Variants in CLASP1 observed in about 807,000 individuals in gnomAD.
CLASP1 encodes CLIP-associating protein 1.
CLASP1 carries 38 observed loss-of-function variants against 192.3 expected under a neutral mutation model. The ratio of observed to expected loss-of-function variants is 0.20; its 90% confidence interval spans 0.15 to 0.26. The LOEUF (loss-of-function observed/expected upper bound fraction) is 0.26, where lower values mean the gene tolerates loss of function less well. Ranked by LOEUF, CLASP1 falls within the 10% of genes least tolerant of loss-of-function variation. The pLI is 1.00. For missense variants in CLASP1, 1,433 were observed against 1,932.5 expected (o/e 0.74, Z 4.85); for synonymous variants, 691 against 712.8 (o/e 0.97, Z 0.49).
At chr2:121,449,172 T>G in intron 16 of CLASP1, 52 bp from the exon 17 acceptor site, 1 of 1,537,508 alleles carries the variant, frequency 6.5e-7, no homozygotes. Flanking sequence ...AAACAGGTCT[T>G]TTGCTGAACT....
intron 6 of CLASP1, among the ~76,000 whole-genome samples, chr2:121,519,885 C>A (rs887946144): frequency 6.6e-5 from 10 of 152,174 alleles, no homozygotes; most frequent in Admixed American, 5.2e-4. Context: ...CAGGACAATG[C>A]AGCTATTCAC....
intron 24 of CLASP1, among the ~76,000 whole-genome samples, chr2:121,409,225 G>A (rs1255668570): frequency 6.6e-6 from 1 of 152,112 alleles, no homozygotes; most frequent in African/African-American, 2.4e-5. Context: ...CTTTCAAAAT[G>A]GCATTTCCTA....
chr2:121,506,160 G>C (rs2093942760), intron 7 of CLASP1, among the ~76,000 whole-genome samples: 1 of 152,178 alleles, frequency 6.6e-6, no homozygotes, highest in South Asian at 2.1e-4. Flanking sequence ...AAGAAGCAAA[G>C]AAAACATTGG....
At chr2:121,358,698 A>G (rs1425438642) in intron 37 of CLASP1, among the ~76,000 whole-genome samples, 1 of 152,232 alleles carries the variant, frequency 6.6e-6, no homozygotes, top group East Asian at 1.9e-4. Context: ...TAATTCTTTA[A>G]AGTCATAAAA....
chr2:121,340,522 T>G (rs1200668693), exon 40 of CLASP1: 1 of 215,910 alleles, frequency 4.6e-6, no homozygotes, highest in Non-Finnish European at 9.2e-6. Flanking sequence ...AATGCTACTT[T>G]CTACCAAGTA....
Position 121,491,821 on chromosome 2 carries a change from T to C in CLASP1, c.712+11346A>G, listed in dbSNP as rs1487265907. 8.5e-5 allele frequency among the ~76,000 whole-genome samples: 13 copies of C among 152,244 alleles called. 1 individual carries two copies. The highest frequency in any genetic ancestry group is 1.5e-5 in the Non-Finnish European group (1 of 68,038). On this transcript the variant is annotated intron_variant, in intron 8 of 39. Transcript: ENST00000263710. ...TGCTACTTGGCTGCTTTTTCATTCC[T>C]GTTTTAGTCACAATTCGATTACGCT...
rs191307659 is a variant in CLASP1, at chr2:121,492,244, C to T, written c.712+10923G>A. ...CTCTACTAAAAATACAAAAAATTAG[C>T]CGGGCGTGGTGGCGGGCACCTGTAG... On this transcript the variant is annotated intron_variant, in intron 8 of 39. Coordinates refer to ENST00000263710, the Ensembl canonical transcript of CLASP1. Among the ~76,000 whole-genome samples, 307 of 151,700 alleles carry T rather than the reference C, an allele frequency of 2.0e-3. 1 individual carries two copies. The highest frequency in any genetic ancestry group is 7.0e-3 in the African/African-American group (288 of 41,368).
At chr2:121,362,626 A>G (rs2066637832) in intron 37 of CLASP1, among the ~76,000 whole-genome samples, 1 of 152,200 alleles carries the variant, frequency 6.6e-6, no homozygotes, top group South Asian at 2.1e-4. Flanking sequence ...CCTGCTACCC[A>G]CTGTTGGCAG....
intron 5 of CLASP1, 102 bp downstream of exon 5, chr2:121,527,697 A>T: frequency 1.1e-6 from 1 of 878,560 alleles, no homozygotes; most frequent in Non-Finnish European, 1.8e-6. Context: ...GAGATCTCAC[A>T]CTACACTTCT....
chr2:121,549,750 A>C (rs540148528), intron 2 of CLASP1, among the ~76,000 whole-genome samples: 2 of 150,072 alleles, frequency 1.3e-5, no homozygotes, highest in Non-Finnish European at 2.9e-5. Context: ...TCACGCCTGT[A>C]ATCCCAGCAC....
At chr2:121,422,715 A>T (rs2079711508) in intron 22 of CLASP1, among the ~76,000 whole-genome samples, 1 of 152,184 alleles carries the variant, frequency 6.6e-6, no homozygotes. Flanking sequence ...GCCAAAGAAG[A>T]GCCTTGGCAT....
chr2:121,517,205 A>T (rs2150358668), intron 6 of CLASP1, among the ~76,000 whole-genome samples: 1 of 152,348 alleles, frequency 6.6e-6, no homozygotes, highest in Middle Eastern at 3.4e-3. Context: ...AAAGGTAGGA[A>T]GAAAAACATT....
At chr2:121,411,350 A>T (rs1328884606) in intron 23 of CLASP1, among the ~76,000 whole-genome samples, 3 of 152,256 alleles carry the variant, frequency 2.0e-5, no homozygotes, top group African/African-American at 4.8e-5. Flanking sequence ...TCATGGTTTC[A>T]TAAGAGTTCT....
chr2:121,427,370 A>G (rs780984813), intron 21 of CLASP1, 34 bp downstream of exon 21: 1 of 1,609,732 alleles, frequency 6.2e-7, no homozygotes, highest in Non-Finnish European at 8.5e-7. Context: ...AACAACAACA[A>G]CAACAAAAAA....
intron 8 of CLASP1, among the ~76,000 whole-genome samples, chr2:121,492,141 G>A (rs1352210519): frequency 1.3e-5 from 2 of 152,150 alleles, no homozygotes; most frequent in Non-Finnish European, 1.5e-5. Context: ...TGTAATCCCA[G>A]CACTTTGGGA....
chr2:121,611,685 G>A (rs1159288923), intron 1 of CLASP1, among the ~76,000 whole-genome samples: 1 of 148,340 alleles, frequency 6.7e-6, no homozygotes, highest in Non-Finnish European at 1.5e-5. Context: ...TGGAGGAGGA[G>A]GAGTTGGAGG....
At chr2:121,437,516 C>T (rs1446482521) in intron 19 of CLASP1, among the ~76,000 whole-genome samples, 1 of 152,054 alleles carries the variant, frequency 6.6e-6, no homozygotes, top group East Asian at 1.9e-4. Flanking sequence ...ACAAGTAATC[C>T]ACAGCCAACT....
At chr2:121,396,723 A>G (rs934533255) in intron 30 of CLASP1, among the ~76,000 whole-genome samples, 4 of 152,252 alleles carry the variant, frequency 2.6e-5, no homozygotes, top group African/African-American at 9.6e-5. Context: ...GTATTGAAAG[A>G]CGTTTGCTCT....
chr2:121,413,949 C>T (rs1456069539), intron 23 of CLASP1, among the ~76,000 whole-genome samples, 192 bp downstream of exon 24: 1 of 152,062 alleles, frequency 6.6e-6, no homozygotes, highest in Non-Finnish European at 1.5e-5. Context: ...GTCAAACAGG[C>T]TATGAAGCAT....
Sources: gnomAD v4.1 joint callset for allele counts (sites outside exome capture counted in the v4.1 genomes callset) on GRCh38, gnomAD v4.1.1 for gene constraint, MANE v1.5 for transcripts, NCBI Gene and HGNC (gene_info 2026-07-23, HGNC 2026-07-21) for gene names.